The following SEMA5A variants were observed in gnomAD, a reference collection of about 807,000 sequenced individuals.
SEMA5A encodes semaphorin-5A.
Under a neutral mutation model 135.5 loss-of-function variants are expected in SEMA5A, and 55 were observed. The ratio of observed to expected loss-of-function variants is 0.41; its 90% confidence interval spans 0.33 to 0.51. The LOEUF (loss-of-function observed/expected upper bound fraction) is 0.51, where lower values mean the gene tolerates loss of function less well. Among genes scored for constraint, SEMA5A ranks in the 20% least tolerant of loss-of-function variants. SEMA5A has a pLI of 0.37. For missense variants in SEMA5A, 1,290 were observed against 1,419.9 expected (o/e 0.91, Z 1.47); for synonymous variants, 580 against 546.5 (o/e 1.06, Z -0.85).
At chr5:9,507,011 C>T (rs1236909139) in intron 1 of SEMA5A, among the ~76,000 whole-genome samples, 1 of 152,156 alleles carries the variant, frequency 6.6e-6, no homozygotes, top group African/African-American at 2.4e-5. Flanking sequence ...GCATCAATTC[C>T]TTGTAGAGCA....
At chr5:9,423,538 G>A (rs547062497) in intron 2 of SEMA5A, among the ~76,000 whole-genome samples, 7 of 152,208 alleles carry the variant, frequency 4.6e-5, no homozygotes, top group Non-Finnish European at 8.8e-5. Flanking sequence ...GAATCCTAAT[G>A]GCCAGTGCCA....
rs190457523 is a variant in SEMA5A, at chr5:9,104,423, C to T, written c.2073+3717G>A. On this transcript the variant is annotated intron_variant, in intron 16 of 22. Transcript: ENST00000382496. Reference sequence around the variant, plus strand: ...AATTTCAATATTTAATTTGACATCACCTAGTAAGTTGGGATTTGCAAGTCT... The same window carrying T: ...AATTTCAATATTTAATTTGACATCATCTAGTAAGTTGGGATTTGCAAGTCT... Among the ~76,000 whole-genome samples the T allele has an allele frequency of 3.3e-5, 5 of 152,218 alleles. No individual in the cohort carries two copies. The East Asian group carries it at 9.6e-4, about 29-fold the overall frequency.
intron 18 of SEMA5A, among the ~76,000 whole-genome samples, chr5:9,058,110 C>A (rs1296981295): frequency 6.6e-6 from 1 of 152,240 alleles, no homozygotes; most frequent in South Asian, 2.1e-4. Context: ...GGCTGAGCCA[C>A]TAAAATAGAT....
At chr5:9,209,674 C>T (rs1746237564) in intron 8 of SEMA5A, among the ~76,000 whole-genome samples, 2 of 152,202 alleles carry the variant, frequency 1.3e-5, no homozygotes, top group African/African-American at 4.8e-5. Context: ...CTGGCTTTGT[C>T]TCCTGAGTTG....
At chr5:9,152,035 C>T (rs1336233729) in intron 12 of SEMA5A, among the ~76,000 whole-genome samples, 1 of 152,206 alleles carries the variant, frequency 6.6e-6, no homozygotes, top group Non-Finnish European at 1.5e-5. Flanking sequence ...TGCCTCTCAT[C>T]ACTGATCTGA....
At chr5:9,251,057 T>G (rs1299035527) in intron 5 of SEMA5A, among the ~76,000 whole-genome samples, 1 of 152,160 alleles carries the variant, frequency 6.6e-6, no homozygotes, top group Non-Finnish European at 1.5e-5. Context: ...TAAATGGGAC[T>G]AATGCCATTG....
At chr5:9,398,946 T>A (rs1756525672) in intron 2 of SEMA5A, among the ~76,000 whole-genome samples, 1 of 152,198 alleles carries the variant, frequency 6.6e-6, no homozygotes, top group African/African-American at 2.4e-5. Context: ...CCTGATAATT[T>A]GCAAAAATAT....
chr5:9,360,502 T>C (rs1754644046), intron 3 of SEMA5A, among the ~76,000 whole-genome samples: 2 of 152,182 alleles, frequency 1.3e-5, no homozygotes, highest in African/African-American at 4.8e-5. Flanking sequence ...TTTTATTAAG[T>C]CCAGTACCTT....
chr5:9,376,232 G>T (rs571284256), intron 3 of SEMA5A, among the ~76,000 whole-genome samples: 1 of 152,148 alleles, frequency 6.6e-6, no homozygotes, highest in South Asian at 2.1e-4. Flanking sequence ...ATCCCCACTT[G>T]CCATGTGAGC....
intron 3 of SEMA5A, among the ~76,000 whole-genome samples, chr5:9,352,186 C>T (rs1223234711): frequency 6.6e-6 from 1 of 151,654 alleles, no homozygotes; most frequent in Admixed American, 6.6e-5. Flanking sequence ...TTAAAAGGAA[C>T]ATGGGTCATA....
chr5:9,225,022 C>T, intron 7 of SEMA5A, 135 bp from the exon 8 acceptor site: 1 of 687,422 alleles, frequency 1.5e-6, no homozygotes, highest in South Asian at 1.9e-5. Context: ...AGATGACCAA[C>T]TTTTACATTC....
At chr5:9,409,209 G>C (rs1757012971) in intron 2 of SEMA5A, among the ~76,000 whole-genome samples, 1 of 152,174 alleles carries the variant, frequency 6.6e-6, no homozygotes, top group Non-Finnish European at 1.5e-5. Flanking sequence ...TACCAGGTAA[G>C]AAACATGGTT....
At chr5:9,498,696 T>C (rs1162064061) in intron 1 of SEMA5A, 1 of 152,032 alleles carries the variant, frequency 6.6e-6, no homozygotes, top group Non-Finnish European at 1.5e-5. Context: ...GAGTCGTTTG[T>C]TTCCCATGAG....
At chr5:9,353,539 T>G (rs1754309612) in intron 3 of SEMA5A, among the ~76,000 whole-genome samples, 1 of 152,134 alleles carries the variant, frequency 6.6e-6, no homozygotes, top group African/African-American at 2.4e-5. Context: ...TAGATATCAA[T>G]GTGGATTAGC....
intron 14 of SEMA5A, among the ~76,000 whole-genome samples, chr5:9,121,875 C>G (rs1435482577): frequency 6.6e-6 from 1 of 152,156 alleles, no homozygotes; most frequent in Admixed American, 6.5e-5. Flanking sequence ...TTTGATCACC[C>G]AATCTGATTT....
intron 1 of SEMA5A, among the ~76,000 whole-genome samples, chr5:9,506,829 C>T (rs1271367814): frequency 6.6e-6 from 1 of 152,200 alleles, no homozygotes; most frequent in Non-Finnish European, 1.5e-5. Context: ...TCATGCCTCC[C>T]CCTCTATGTG....
At chr5:9,353,495 G>C (rs1401300859) in intron 3 of SEMA5A, among the ~76,000 whole-genome samples, 1 of 152,176 alleles carries the variant, frequency 6.6e-6, no homozygotes, top group Non-Finnish European at 1.5e-5. Flanking sequence ...TAAGACTCCA[G>C]AAGAGTAGAG....
At chr5:9,194,428 G>A (rs1340840291) in intron 10 of SEMA5A, among the ~76,000 whole-genome samples, 1 of 152,156 alleles carries the variant, frequency 6.6e-6, no homozygotes, top group Non-Finnish European at 1.5e-5. Context: ...CTAAATGTCA[G>A]TAGGAAAAAC....
chr5:9,243,658 AATGCTTTC>A (rs1748328568), intron 5 of SEMA5A, among the ~76,000 whole-genome samples: 1 of 152,178 alleles, frequency 6.6e-6, no homozygotes, highest in African/African-American at 2.4e-5. Context: ...TACAGTGCTA[AATGCTTTC>A]TATACACTTA....
Sources: gnomAD v4.1 joint callset for allele counts (sites outside exome capture counted in the v4.1 genomes callset) on GRCh38, gnomAD v4.1.1 for gene constraint, MANE v1.5 for transcripts, NCBI Gene and HGNC (gene_info 2026-07-23, HGNC 2026-07-21) for gene names.